The following CREBBP variants were observed in gnomAD, a reference collection of about 807,000 sequenced individuals.
CREBBP encodes the protein CREB-binding protein.
A neutral mutation model predicts 265.0 loss-of-function variants in CREBBP; 19 were observed. The observed-to-expected ratio is 0.07, with a 90% confidence interval of 0.05 to 0.11. The LOEUF (loss-of-function observed/expected upper bound fraction) is 0.11. CREBBP is among the 10% of genes least tolerant of loss of function. The pLI is 1.00. For synonymous variants in CREBBP, 1,457 were observed against 1,223.7 expected (o/e 1.19, Z -3.98); for missense variants, 2,525 against 3,219.0 (o/e 0.78, Z 5.22).
rs1408864175 is a variant in CREBBP at position 3,770,974 on chromosome 16, C to G, written c.2476G>C (p.Gly826Arg). 6.2e-7 allele frequency: 1 copy of G among 1,613,510 alleles called. No homozygotes were observed. Among genetic ancestry groups the G allele is most frequent in the Non-Finnish European group, 8.5e-7 (1 of 1,179,988 alleles). Reference protein sequence around the residue: ...QTGVSQGQVPGAALPNPLNML... With the variant: ...QTGVSQGQVPRAALPNPLNML... ...TTGAGAGGGTTAGGAAGAGCAGCAC[C>G]AGGCACCTGTCCCTACCAGAAATGG... The change falls in exon 14 of 31, where the codon GGT becomes CGT. Residue 826 changes from glycine to arginine, a missense_variant. Transcript: ENST00000262367.
At chr16:3,829,995 C>T (rs1371530949) in intron 2 of CREBBP, among the ~76,000 whole-genome samples, 2 of 152,170 alleles carry the variant, frequency 1.3e-5, no homozygotes, top group Non-Finnish European at 2.9e-5. Context: ...CAATTATCAA[C>T]ATTAAATATA....
rs1375078555 is a variant in CREBBP, at chr16:3,725,256, C to T, written c.*2462G>A. The T allele has an allele frequency of 8.6e-6, 2 of 233,360 alleles. No individual in the cohort carries two copies. The highest frequency in any genetic ancestry group is 4.4e-5 in the African/African-American group (2 of 45,358). 14.5% of individuals were successfully genotyped at this position (233,360 alleles called of 1,614,324 possible). A position where few individuals can be genotyped will look rare whatever the true frequency, so the allele number is the denominator to read the frequency against. On this transcript the variant is annotated 3_prime_UTR_variant, in exon 31 of 31. Coordinates refer to ENST00000262367, the MANE Select transcript of CREBBP (RefSeq NM_004380.3). ...CATCCACAGACCATGCTCTCGGTCA[C>T]ATCCTTCGACATCTGGATTGCCCAA... is the stretch of plus-strand genomic sequence containing the variant.
rs2141489782 is a variant in CREBBP, at chr16:3,850,380, G to A, written c.715C>T (p.Leu239=). The stretch of plus-strand genomic sequence containing the variant: ...GAAACCTGCGTTAGGGTCTCAGCCA[G>A]CACGCTGCTCGAGGCGCCCTGCATG... ...PAMQGASSSV[L]AETLTQVSPQ... is the part of the protein sequence containing the mutation. Residue 239 remains leucine (L), a synonymous_variant, in exon 2 of 31, where the codon CTG becomes TTG. Transcript: ENST00000262367. The A allele has an allele frequency of 6.2e-7, 1 of 1,614,254 alleles. No individual in the cohort carries two copies.
At chr16:3,776,189 AT>A (rs2053134515) in intron 11 of CREBBP, among the ~76,000 whole-genome samples, 1 of 152,050 alleles carries the variant, frequency 6.6e-6, no homozygotes, top group African/African-American at 2.4e-5. Flanking sequence ...AAGTGCTGGG[AT>A]TACAGGTGTG....
Position 3,810,623 on chromosome 16 carries a change from C to A in CREBBP, c.955G>T (p.Val319Phe), listed in dbSNP as rs2053919851. ...TFPTDIKNTS[V>F]TNVPNMSQMQ... is the part of the protein sequence containing the mutation. The stretch of plus-strand genomic sequence containing the variant: ...CTTACCATATTTGGCACGTTGGTGA[C>A]TGAAGTATTCTTGATATCTGTAGGG... Residue 319 changes from valine (V) to phenylalanine (F), a missense_variant, in exon 3 of 31, where the codon GTC becomes TTC. By Grantham distance (50) the Val-to-Phe change is conservative (BLOSUM62 -1). Around this residue, in one of 19 missense-constraint regions of CREBBP, gnomAD observed 126 missense variants for 171.9 expected, o/e 0.73. Transcript: ENST00000262367. The A allele has an allele frequency of 6.2e-7, 1 of 1,613,634 alleles. No individual in the cohort carries two copies. The highest frequency in any genetic ancestry group is 1.7e-5 in the Admixed American group (1 of 59,980).
intron 28 of CREBBP, among the ~76,000 whole-genome samples, chr16:3,732,474 G>C (rs983621772): frequency 7.9e-5 from 12 of 152,212 alleles, no homozygotes; most frequent in Non-Finnish European, 1.6e-4. Context: ...TGCTGCGCCT[G>C]ACTGGCTGAA....
chr16:3,872,773 T>C (rs914119957), intron 1 of CREBBP, among the ~76,000 whole-genome samples: 13 of 152,172 alleles, frequency 8.5e-5, no homozygotes, highest in East Asian at 1.9e-4. Flanking sequence ...CAAACTGTCA[T>C]GGTCAGGGTG....
At chr16:3,853,244 G>A (rs1238931220) in intron 1 of CREBBP, among the ~76,000 whole-genome samples, 4 of 152,290 alleles carry the variant, frequency 2.6e-5, no homozygotes, top group Non-Finnish European at 4.4e-5. Context: ...CCTATGGGTG[G>A]TAAATGCTAA....
At chr16:3,842,874 G>A (rs1235733492) in intron 2 of CREBBP, among the ~76,000 whole-genome samples, 1 of 150,884 alleles carries the variant, frequency 6.6e-6, no homozygotes, top group Non-Finnish European at 1.5e-5. Flanking sequence ...GCTGAGGCAG[G>A]AGAATCGCTT....
intron 2 of CREBBP, among the ~76,000 whole-genome samples, chr16:3,827,160 T>C (rs2054253414): frequency 6.6e-6 from 1 of 150,452 alleles, no homozygotes; most frequent in African/African-American, 2.4e-5. Flanking sequence ...GATCTATCTC[T>C]CTAAAAAAAA....
At chr16:3,805,624 A>G (rs578099969) in intron 3 of CREBBP, among the ~76,000 whole-genome samples, 1 of 152,324 alleles carries the variant, frequency 6.6e-6, no homozygotes, top group South Asian at 2.1e-4. Context: ...AATGATCACA[A>G]TCTAGACAGG....
intron 2 of CREBBP, among the ~76,000 whole-genome samples, chr16:3,814,163 TAG>T (rs1491583278): frequency 8.1e-6 from 1 of 124,050 alleles, no homozygotes; most frequent in East Asian, 3.2e-4. Context: ...CAATGTTGTT[TAG>T]TGTGTGTGTG....
At position 3,736,157 on chromosome 16, in the gene CREBBP, T is replaced by C. The variant is rs776332449; in HGVS notation, c.4607A>G (p.Glu1536Gly). The C allele has an allele frequency of 6.2e-7, 1 of 1,614,240 alleles. No individual in the cohort carries two copies. The highest frequency in any genetic ancestry group is 1.6e-4 in the Middle Eastern group (1 of 6,062). Residue 1536 changes from glutamate to glycine, a missense_variant, in exon 28 of 31, where the codon GAA becomes GGA. Coordinates refer to ENST00000262367, the MANE Select transcript of CREBBP (RefSeq NM_004380.3). Reference sequence around the variant, plus strand: ...GAAATCACCTTCAAAATAGGGCAGTTCCTTGGCACTGGTGAGCCTGTCTTC... The same window carrying C: ...GAAATCACCTTCAAAATAGGGCAGTCCCTTGGCACTGGTGAGCCTGTCTTC... ...ATEDRLTSAKELPYFEGDFWP... is the reference protein window; with the variant it reads ...ATEDRLTSAKGLPYFEGDFWP...
rs777570034 is a variant in CREBBP at position 3,769,387 on chromosome 16, G to C, written c.2881-34C>G. ...AAACCGAAAGCACTGACTTCAGTAA[G>C]CAAGGTAACATAAATGATCTTCAAC... On this transcript the variant is annotated intron_variant, in intron 14 of 30. Transcript: ENST00000262367. 7 of 1,613,002 alleles carry C rather than the reference G, an allele frequency of 4.3e-6. No homozygotes were observed. In the African/African-American group the frequency reaches 9.3e-5, roughly 22 times the overall value.
chr16:3,828,352 A>G (rs1468342743), intron 2 of CREBBP, among the ~76,000 whole-genome samples: 2 of 152,288 alleles, frequency 1.3e-5, no homozygotes, highest in East Asian at 3.9e-4. Context: ...TCGGCCTCCC[A>G]AAGTACTGGG....
At chr16:3,874,532 T>G (rs2055361273) in intron 1 of CREBBP, among the ~76,000 whole-genome samples, 2 of 152,254 alleles carry the variant, frequency 1.3e-5, no homozygotes, top group African/African-American at 2.4e-5. Flanking sequence ...ACTTTCTTGC[T>G]GAAATGGCAG....
intron 21 of CREBBP, among the ~76,000 whole-genome samples, chr16:3,748,197 G>C (rs973177651): frequency 1.6e-4 from 24 of 152,190 alleles, no homozygotes; most frequent in African/African-American, 5.3e-4. Flanking sequence ...AGAATTGCTT[G>C]AATCTGGGAG....
At position 3,853,961 on chromosome 16, in the gene CREBBP, A is replaced by AC. The variant is rs1567366177; in HGVS notation, c.86-2953_86-2952insG. 3.6e-4 allele frequency among the ~76,000 whole-genome samples: 52 copies of AC among 145,230 alleles called. 1 individual carries two copies. The highest frequency in any genetic ancestry group is 1.3e-3 in the African/African-American group (47 of 37,370). On this transcript the variant is annotated intron_variant, in intron 1 of 30. Transcript: ENST00000262367. ...TCAAAAACAAACAAACAAACAAACAAACACACACACACACACACACACGAA... is the reference window on the plus strand; with the variant it reads ...TCAAAAACAAACAAACAAACAAACAACACACACACACACACACACACACGAA...
In CREBBP at chr16:3,806,070, G is replaced by T. The variant is rs1469880455; in HGVS notation, c.975+4533C>A. Reference sequence around the variant, plus strand: ...AGGCCCAGGAACTGCCAGTCACTCGGATGCAGGTGGGGCCATGGACAGGTG... The same window carrying T: ...AGGCCCAGGAACTGCCAGTCACTCGTATGCAGGTGGGGCCATGGACAGGTG... On this transcript the variant is annotated intron_variant, in intron 3 of 30. Transcript: ENST00000262367. 4.6e-5 allele frequency among the ~76,000 whole-genome samples: 7 copies of T among 152,326 alleles called. No individual in the cohort carries two copies. The East Asian group carries it at 9.6e-4, about 21-fold the overall frequency.
Sources: gnomAD v4.1 joint callset for allele counts (sites outside exome capture counted in the v4.1 genomes callset) on GRCh38, gnomAD v4.1.1 for gene constraint, gnomAD v4.1.1 regional missense constraint, MANE v1.5 for transcripts, NCBI Gene and HGNC (gene_info 2026-07-23, HGNC 2026-07-21) for gene names.